RTN3: variants seen among roughly 807,000 people sequenced by gnomAD.
The protein encoded by RTN3 is reticulon-3.
A neutral mutation model predicts 77.8 loss-of-function variants in RTN3; 49 were observed. The ratio of observed to expected loss-of-function variants is 0.63; its 90% CI spans 0.50 to 0.80. RTN3 has a LOEUF of 0.80. RTN3 is among the 30% of genes least tolerant of loss of function. RTN3 has a pLI of 0.00. For missense variants in RTN3, 1,236 were observed against 1,211.9 expected (o/e 1.02, Z -0.29); for synonymous variants, 464 against 446.9 (o/e 1.04, Z -0.48).
chr11:63,755,969 A>AT, intron 7 of RTN3, 143 bp from the exon 8 acceptor site: 1 of 620,594 alleles, frequency 1.6e-6, no homozygotes, highest in Non-Finnish European at 2.9e-6. Flanking sequence ...AAAAAAAAAA[A>AT]ACTTTTAAAA....
chr11:63,712,898 C>G (rs1236431768), intron 2 of RTN3, among the ~76,000 whole-genome samples: 1 of 152,072 alleles, frequency 6.6e-6, no homozygotes, highest in Admixed American at 6.6e-5. Flanking sequence ...GAGTTCCAGA[C>G]CAGCCTAACC....
chr11:63,756,195 A>G, intron 8 of RTN3, 25 bp downstream of exon 8: 1 of 1,517,194 alleles, frequency 6.6e-7, no homozygotes, highest in Non-Finnish European at 9.2e-7. Context: ...AGACCACATC[A>G]TCATGAGGTA....
intron 3 of RTN3, among the ~76,000 whole-genome samples, chr11:63,747,901 C>T (rs1346263339): frequency 1.3e-5 from 2 of 152,138 alleles, no homozygotes; most frequent in African/African-American, 4.8e-5. Flanking sequence ...ATTACCAGGA[C>T]TTAAACTCAT....
chr11:63,701,857 A>G (rs777045907), intron 1 of RTN3, among the ~76,000 whole-genome samples: 2 of 152,194 alleles, frequency 1.3e-5, no homozygotes, highest in Non-Finnish European at 2.9e-5. Context: ...AGGCAGGAAG[A>G]TCACTTGAGC....
intron 3 of RTN3, among the ~76,000 whole-genome samples, chr11:63,737,037 C>G (rs919935170): frequency 6.7e-6 from 1 of 149,814 alleles, no homozygotes; most frequent in Non-Finnish European, 1.5e-5. Context: ...TGCAGTTTTG[C>G]AATCCTAGCT....
chr11:63,740,589 G>C (rs904208313), intron 3 of RTN3, among the ~76,000 whole-genome samples: 1 of 150,764 alleles, frequency 6.6e-6, no homozygotes, highest in African/African-American at 2.4e-5. Flanking sequence ...GAGCCACCGC[G>C]CCTGGCCTTT....
chr11:63,734,977 G>C (rs1188271194), intron 3 of RTN3, among the ~76,000 whole-genome samples: 1 of 152,062 alleles, frequency 6.6e-6, no homozygotes, highest in East Asian at 1.9e-4. Context: ...ATATTAGGTT[G>C]ATAAACAAAA....
Position 63,724,648 on chromosome 11 carries a change from C to T in RTN3, c.2530+3616C>T, listed in dbSNP as rs377378730. On this transcript the variant is annotated intron_variant, in intron 3 of 8. Coordinates refer to ENST00000377819, the MANE Select transcript of RTN3 (RefSeq NM_001265589.2). ...CTGGGATTACAGGTGCCTGCCACCACGCCCGGCTAATTTTTTGTATTATTA... is the reference window on the plus strand; with the variant it reads ...CTGGGATTACAGGTGCCTGCCACCATGCCCGGCTAATTTTTTGTATTATTA... 4.6e-5 allele frequency among the ~76,000 whole-genome samples: 7 copies of T among 152,032 alleles called. No homozygotes were observed. In the East Asian group the frequency reaches 5.8e-4, roughly 13 times the overall value.
At chr11:63,746,762 C>A (rs2013821696) in intron 3 of RTN3, among the ~76,000 whole-genome samples, 1 of 152,180 alleles carries the variant, frequency 6.6e-6, no homozygotes, top group African/African-American at 2.4e-5. Context: ...GATCTGCCTG[C>A]CTCAACCTCC....
At chr11:63,730,756 C>G (rs1313494499) in intron 3 of RTN3, among the ~76,000 whole-genome samples, 8 of 152,134 alleles carry the variant, frequency 5.3e-5, no homozygotes, top group African/African-American at 1.7e-4. Flanking sequence ...GAGGTGGAGG[C>G]TGCAGTGAAC....
At chr11:63,712,839 T>C (rs532438967) in intron 2 of RTN3, among the ~76,000 whole-genome samples, 2 of 152,266 alleles carry the variant, frequency 1.3e-5, no homozygotes, top group East Asian at 3.9e-4. Flanking sequence ...CTCACACTTG[T>C]AATCCCAGCA....
intron 1 of RTN3, among the ~76,000 whole-genome samples, chr11:63,696,746 A>G (rs1941964807): frequency 2.7e-5 from 4 of 149,612 alleles, no homozygotes; most frequent in South Asian, 2.2e-4. Flanking sequence ...GGGTTTCACC[A>G]TGGTTGGCCA....
chr11:63,725,158 A>G (rs1163121177), intron 3 of RTN3, among the ~76,000 whole-genome samples: 3 of 152,168 alleles, frequency 2.0e-5, no homozygotes, highest in Non-Finnish European at 1.5e-5. Context: ...TAACACCGTC[A>G]TGGACCTGGT....
At chr11:63,724,449 C>T (rs1428172701) in intron 3 of RTN3, among the ~76,000 whole-genome samples, 2 of 144,892 alleles carry the variant, frequency 1.4e-5, no homozygotes, top group Admixed American at 1.4e-4. Context: ...TCCCAAAGTG[C>T]TGGGATTACA....
At chr11:63,754,455 C>T (rs956894986) in intron 7 of RTN3, among the ~76,000 whole-genome samples, 5 of 152,082 alleles carry the variant, frequency 3.3e-5, no homozygotes, top group South Asian at 2.1e-4. Context: ...AATCCCAGCA[C>T]TTTGGGAGGC....
chr11:63,703,687 C>T (rs1048665685), intron 1 of RTN3, among the ~76,000 whole-genome samples: 14 of 151,836 alleles, frequency 9.2e-5, no homozygotes, highest in Admixed American at 2.0e-4. Flanking sequence ...GGACTACAGG[C>T]GCCCGCCACC....
chr11:63,756,827 C>T (rs1010941052), intron 8 of RTN3, among the ~76,000 whole-genome samples: 1 of 152,192 alleles, frequency 6.6e-6, no homozygotes, highest in Non-Finnish European at 1.5e-5. Flanking sequence ...GCCGGTGGAT[C>T]ACGAGGTCAG....
At chr11:63,729,449 TTTTTTTTTTTG>T (rs896141227) in intron 3 of RTN3, among the ~76,000 whole-genome samples, 25 of 126,688 alleles carry the variant, frequency 2.0e-4, no homozygotes, top group East Asian at 8.7e-4. Context: ...TTTTTTTTTT[TTTTTTTTTTTG>T]TTTGTTTGAG....
chr11:63,748,224 G>A (rs533760328), intron 3 of RTN3, among the ~76,000 whole-genome samples: 3 of 150,618 alleles, frequency 2.0e-5, no homozygotes, highest in South Asian at 2.1e-4. Context: ...CAGAGAGTTG[G>A]AGGTGTCTTT....
Sources: gnomAD v4.1 joint callset for allele counts (sites outside exome capture counted in the v4.1 genomes callset) on GRCh38, gnomAD v4.1.1 for gene constraint, MANE v1.5 for transcripts, NCBI Gene and HGNC (gene_info 2026-07-23, HGNC 2026-07-21) for gene names.